Variants in RCAN2 observed in about 807,000 individuals in gnomAD.
RCAN2 encodes the protein regulator of calcineurin 2.
A neutral mutation model predicts 23.6 loss-of-function variants in RCAN2; 9 were observed. The ratio of observed to expected loss-of-function variants is 0.38; its 90% CI spans 0.23 to 0.67. The LOEUF (loss-of-function observed/expected upper bound fraction) is 0.67. Among genes scored for constraint, RCAN2 ranks in the 30% least tolerant of loss-of-function variants. The pLI is 0.51. For synonymous variants in RCAN2, 109 were observed against 115.7 expected (o/e 0.94, Z 0.37); for missense variants, 273 against 302.3 (o/e 0.90, Z 0.72).
intron 2 of RCAN2, among the ~76,000 whole-genome samples, chr6:46,322,197 C>T (rs139183828): frequency 6.6e-6 from 1 of 152,262 alleles, no homozygotes; most frequent in East Asian, 1.9e-4. Context: ...AGACTATTTT[C>T]AGAAATATGA....
intron 2 of RCAN2, among the ~76,000 whole-genome samples, chr6:46,249,618 C>T (rs1766642376): frequency 1.3e-5 from 2 of 152,074 alleles, no homozygotes; most frequent in Non-Finnish European, 2.9e-5. Flanking sequence ...CCATGCCAGG[C>T]CTAGGGAGGG....
intron 2 of RCAN2, among the ~76,000 whole-genome samples, chr6:46,336,726 A>T (rs1004690625): frequency 3.3e-5 from 5 of 152,224 alleles, no homozygotes; most frequent in African/African-American, 9.6e-5. Flanking sequence ...AGAGTGGTGC[A>T]AGAGGTTAAA....
chr6:46,458,924 T>C (rs1187190202), intron 1 of RCAN2, among the ~76,000 whole-genome samples: 7 of 152,162 alleles, frequency 4.6e-5, no homozygotes. Context: ...GGAGTTTTGC[T>C]CTTGTCGCCC....
intron 2 of RCAN2, among the ~76,000 whole-genome samples, chr6:46,272,360 C>T (rs1767548852): frequency 6.6e-6 from 1 of 152,192 alleles, no homozygotes; most frequent in Admixed American, 6.5e-5. Context: ...CTTAGACTCT[C>T]TACTGAACCT....
intron 4 of RCAN2, among the ~76,000 whole-genome samples, chr6:46,227,123 C>A (rs906911193): frequency 6.6e-6 from 1 of 152,186 alleles, no homozygotes; most frequent in African/African-American, 2.4e-5. Flanking sequence ...AGCCTTGCAT[C>A]TCAGGGATGA....
intron 2 of RCAN2, chr6:46,325,556 TTGCTGTGGCCAGG>T (rs1763768849): frequency 6.3e-7 from 1 of 1,590,558 alleles, no homozygotes; most frequent in African/African-American, 1.3e-5. Flanking sequence ...CAGATGGATA[TTGCTGTGGCCAGG>T]CCTCGGTGCT....
chr6:46,432,064 C>G (rs1306000878), intron 2 of RCAN2, among the ~76,000 whole-genome samples: 2 of 152,170 alleles, frequency 1.3e-5, no homozygotes, highest in Non-Finnish European at 2.9e-5. Flanking sequence ...TATTTTCCTA[C>G]TAATGAATTA....
chr6:46,261,198 C>A (rs567640620), intron 2 of RCAN2, among the ~76,000 whole-genome samples: 1 of 152,288 alleles, frequency 6.6e-6, no homozygotes, highest in African/African-American at 2.4e-5. Flanking sequence ...TCCAGTCTCA[C>A]AAGAGGACAG....
intron 2 of RCAN2, among the ~76,000 whole-genome samples, chr6:46,353,873 T>A (rs115299286): frequency 8.6e-4 from 131 of 152,294 alleles, no homozygotes; most frequent in African/African-American, 3.0e-3. Context: ...TCTTACCATG[T>A]TATCAGGCTT....
intron 2 of RCAN2, among the ~76,000 whole-genome samples, chr6:46,286,074 T>C (rs1348237): frequency 0.013 from 2,040 of 152,336 alleles, 49 homozygotes; most frequent in African/African-American, 0.043. Context: ...AAGTTTAGCC[T>C]AAAGTTGCCT....
intron 2 of RCAN2, among the ~76,000 whole-genome samples, chr6:46,269,501 C>G (rs1767452695): frequency 6.6e-6 from 1 of 152,224 alleles, no homozygotes; most frequent in Non-Finnish European, 1.5e-5. Flanking sequence ...GCTCTGAATA[C>G]TCTAGGTCAC....
chr6:46,255,902 G>T (rs183200943), intron 2 of RCAN2, among the ~76,000 whole-genome samples: 68 of 152,316 alleles, frequency 4.5e-4, no homozygotes, highest in African/African-American at 1.5e-3. Context: ...GGCTTCAGAG[G>T]TAGGGAACTG....
At chr6:46,349,396 T>A (rs1046041360) in intron 2 of RCAN2, among the ~76,000 whole-genome samples, 1 of 151,854 alleles carries the variant, frequency 6.6e-6, no homozygotes, top group Non-Finnish European at 1.5e-5. Context: ...ACACACACAA[T>A]GGCCTGTTGC....
At chr6:46,387,357 A>T (rs1440512755) in intron 2 of RCAN2, among the ~76,000 whole-genome samples, 1 of 152,234 alleles carries the variant, frequency 6.6e-6, no homozygotes, top group Non-Finnish European at 1.5e-5. Flanking sequence ...TACTCATCTG[A>T]CAAAGGGCTA....
At position 46,360,435 on chromosome 6, in the gene RCAN2, G is replaced by A. The variant is rs558929940; in HGVS notation, c.225+96317C>T. 1.1e-4 allele frequency among the ~76,000 whole-genome samples: 16 copies of A among 150,412 alleles called. No individual in the cohort carries two copies. The East Asian group carries it at 2.2e-3, about 21-fold the overall frequency. ...TGTAGTCCCAGCTCCTCCGGAGGCT[G>A]AGGCAGGAGAATGGTGTGAACCCGG... On this transcript the variant is annotated intron_variant, in intron 2 of 4. Coordinates refer to ENST00000371374, the MANE Select transcript of RCAN2 (RefSeq NM_001251974.2).
chr6:46,408,472 T>G (rs1766468079), intron 2 of RCAN2, among the ~76,000 whole-genome samples: 1 of 152,210 alleles, frequency 6.6e-6, no homozygotes, highest in Non-Finnish European at 1.5e-5. Context: ...GCCCTTCACA[T>G]ATAGAAGATT....
chr6:46,228,017 T>G (rs1324003726), intron 4 of RCAN2, among the ~76,000 whole-genome samples: 1 of 152,236 alleles, frequency 6.6e-6, no homozygotes. Flanking sequence ...TGTTTCTGCC[T>G]TCATTTCCTT....
chr6:46,481,995 G>A (rs987047207), intron 1 of RCAN2, among the ~76,000 whole-genome samples: 1 of 117,964 alleles, frequency 8.5e-6, no homozygotes, highest in Non-Finnish European at 2.2e-5. Context: ...AAAGCAAGAA[G>A]AGGCATAATT....
intron 2 of RCAN2, among the ~76,000 whole-genome samples, chr6:46,408,613 C>T (rs564727450): frequency 1.2e-4 from 18 of 152,208 alleles, no homozygotes; most frequent in South Asian, 6.2e-4. Flanking sequence ...GCCACCCAAA[C>T]GGAGCAAAGC....
Sources: allele counts gnomAD v4.1 joint callset (sites outside exome capture counted in the v4.1 genomes callset), GRCh38; gene constraint gnomAD v4.1.1; transcripts MANE v1.5; gene names NCBI Gene and HGNC (gene_info 2026-07-23, HGNC 2026-07-21).